The following CADPS variants were observed in gnomAD, a reference collection of about 807,000 sequenced individuals.
CADPS encodes calcium dependent secretion activator.
Under a neutral mutation model 167.3 loss-of-function variants are expected in CADPS, and 57 were observed. The ratio of observed to expected loss-of-function variants is 0.34; its 90% CI spans 0.28 to 0.42. The LOEUF is 0.42. Among genes scored for constraint, CADPS ranks in the 20% least tolerant of loss-of-function variants. CADPS has a pLI of 1.00. For synonymous variants in CADPS, 676 were observed against 635.3 expected, an observed-to-expected ratio of 1.06 and a Z score of -0.96; for missense variants, 1,414 against 1,738.1, an observed-to-expected ratio of 0.81 and a Z score of 3.32.
intron 3 of CADPS, among the ~76,000 whole-genome samples, chr3:62,685,086 G>C (rs2077765896): frequency 6.6e-6 from 1 of 152,006 alleles, no homozygotes; most frequent in Non-Finnish European, 1.5e-5. Context: ...ATGAAAGATA[G>C]TAAGGGATTC....
intron 8 of CADPS, among the ~76,000 whole-genome samples, chr3:62,579,973 A>G (rs1248673309): frequency 6.6e-6 from 1 of 152,068 alleles, no homozygotes; most frequent in African/African-American, 2.4e-5. Flanking sequence ...TGAATTCTAG[A>G]TTTATCTTGA....
At chr3:62,434,153 T>TATATTGGAATATACACAA (rs2054519819) in intron 28 of CADPS, among the ~76,000 whole-genome samples, 1 of 152,254 alleles carries the variant, frequency 6.6e-6, no homozygotes, top group Non-Finnish European at 1.5e-5. Flanking sequence ...TGTTTTTGTG[T>TATATTGGAATATACACAA]ATATTGGAAT....
At chr3:62,805,267 G>A (rs1011273389) in intron 1 of CADPS, among the ~76,000 whole-genome samples, 1 of 152,164 alleles carries the variant, frequency 6.6e-6, no homozygotes, top group Non-Finnish European at 1.5e-5. Context: ...TTTCTCAAGC[G>A]CTGCTTTCTG....
At chr3:62,783,875 GAAGGA>G (rs942265644) in intron 1 of CADPS, among the ~76,000 whole-genome samples, 2 of 152,204 alleles carry the variant, frequency 1.3e-5, no homozygotes, top group African/African-American at 4.8e-5. Flanking sequence ...TTATCTGAGA[GAAGGA>G]GAGAAATACA....
At chr3:62,838,963 T>C (rs1224869621) in intron 1 of CADPS, among the ~76,000 whole-genome samples, 1 of 152,148 alleles carries the variant, frequency 6.6e-6, no homozygotes, top group Non-Finnish European at 1.5e-5. Flanking sequence ...TAAAGGTGAA[T>C]AAGAGAATGT....
intron 17 of CADPS, among the ~76,000 whole-genome samples, chr3:62,509,286 T>C (rs1448916856): frequency 1.9e-5 from 2 of 105,216 alleles, no homozygotes; most frequent in African/African-American, 3.8e-5. Flanking sequence ...AGCAAGACTC[T>C]GTCTCAAAAA....
rs1270569243 is a variant in CADPS, at chr3:62,815,616, C to T, written c.442-49632G>A. On this transcript the variant is annotated intron_variant, in intron 1 of 29. Coordinates refer to ENST00000383710, the MANE Select transcript of CADPS (RefSeq NM_003716.4). ...GACACATGAGAAAGGCAGAAGCTTG[C>T]TATCATACACTCCTGCCCCATGTGT... 2.0e-5 allele frequency among the ~76,000 whole-genome samples: 3 copies of T among 152,108 alleles called. No homozygotes were observed. The East Asian group carries it at 5.8e-4, about 29-fold the overall frequency.
intron 3 of CADPS, among the ~76,000 whole-genome samples, chr3:62,684,998 G>C (rs2077749674): frequency 6.6e-6 from 1 of 150,810 alleles, no homozygotes; most frequent in Non-Finnish European, 1.5e-5. Flanking sequence ...GGGAAACTCT[G>C]TCCCTGAACT....
chr3:62,764,892 C>T (rs924441131), intron 2 of CADPS, among the ~76,000 whole-genome samples: 5 of 152,160 alleles, frequency 3.3e-5, no homozygotes, highest in African/African-American at 4.8e-5. Flanking sequence ...TTTTCTTATA[C>T]CTATCTTCAA....
In CADPS at chr3:62,601,455, C is replaced by A. The variant is rs927403622; in HGVS notation, c.1326-8707G>T. 6.6e-6 allele frequency among the ~76,000 whole-genome samples: 1 copy of A among 152,178 alleles called. No individual in the cohort carries two copies. Among genetic ancestry groups the A allele is most frequent in the Non-Finnish European group, 1.5e-5 (1 of 68,032 alleles). ...TTGCTGACTTGGCCTAATGGAAATA[C>A]TTTTATTTTCATTAGCAGATTAGCA... On this transcript the variant is annotated intron_variant, in intron 6 of 29. Coordinates refer to ENST00000383710, the MANE Select transcript of CADPS (RefSeq NM_003716.4). This position sits in a 1 kb window ranked among gnomAD's most constrained non-coding sequence, Gnocchi z 4.3.
chr3:62,692,013 G>A (rs2079228750), intron 3 of CADPS, among the ~76,000 whole-genome samples: 1 of 151,950 alleles, frequency 6.6e-6, no homozygotes, highest in Non-Finnish European at 1.5e-5. Context: ...AACTCCAGAT[G>A]CATGTGATTT....
intron 3 of CADPS, among the ~76,000 whole-genome samples, chr3:62,679,567 G>A (rs543865464): frequency 1.8e-4 from 28 of 152,108 alleles, no homozygotes; most frequent in African/African-American, 6.8e-4. Context: ...GAGAGCACCA[G>A]CACTTAGCTG....
intron 2 of CADPS, among the ~76,000 whole-genome samples, chr3:62,759,572 G>A (rs1269041724): frequency 6.6e-6 from 1 of 152,092 alleles, no homozygotes; most frequent in Non-Finnish European, 1.5e-5. Flanking sequence ...CCTTTGGAAA[G>A]GTAGGAAGGA....
At chr3:62,440,861 G>T (rs1215503971) in intron 27 of CADPS, 1 of 152,178 alleles carries the variant, frequency 6.6e-6, no homozygotes, top group African/African-American at 2.4e-5. Flanking sequence ...TGGGACTATC[G>T]AGGGCAGGGG....
chr3:62,477,817 TC>T (rs1180113553), intron 23 of CADPS, among the ~76,000 whole-genome samples: 1 of 152,184 alleles, frequency 6.6e-6, no homozygotes, highest in African/African-American at 2.4e-5. Context: ...TAAGGCCCTA[TC>T]CACATTGTTA....
At chr3:62,551,466 GCCTC>G (rs368827244) in intron 10 of CADPS, among the ~76,000 whole-genome samples, 7 of 152,122 alleles carry the variant, frequency 4.6e-5, no homozygotes, top group African/African-American at 1.7e-4. Flanking sequence ...TGACCTGTCT[GCCTC>G]CATCCTCATT....
intron 28 of CADPS, among the ~76,000 whole-genome samples, chr3:62,428,296 CTTTTTT>C (rs34002756): frequency 1.9e-4 from 12 of 64,644 alleles, no homozygotes; most frequent in African/African-American, 7.3e-4. Context: ...GGAAGCAAGA[CTTTTTT>C]TTTTTTTTTT....
Position 62,638,253 on chromosome 3 carries a change from G to T in CADPS, c.1325+7469C>A, listed in dbSNP as rs1258266016. On this transcript the variant is annotated intron_variant, in intron 6 of 29. Transcript: ENST00000383710. ...CACCATACTGCTTGTGAACACTGAT[G>T]AATCTAAATCAAGTATCTGTTATTT... 1.3e-5 allele frequency among the ~76,000 whole-genome samples: 2 copies of T among 152,130 alleles called. 1 individual carries two copies. Among genetic ancestry groups the T allele is most frequent in the Middle Eastern group, 6.8e-3 (2 of 294 alleles).
chr3:62,511,937 C>T (rs1028232446), intron 17 of CADPS, among the ~76,000 whole-genome samples: 2 of 152,140 alleles, frequency 1.3e-5, no homozygotes, highest in African/African-American at 2.4e-5. Flanking sequence ...AATATCTTCC[C>T]TACCAGAGAG....
Sources: gnomAD v4.1 joint callset for allele counts (sites outside exome capture counted in the v4.1 genomes callset) on GRCh38, gnomAD v4.1.1 for gene constraint, Gnocchi (gnomAD v3.1) non-coding constraint, MANE v1.5 for transcripts, NCBI Gene and HGNC (gene_info 2026-07-23, HGNC 2026-07-21) for gene names.